Variants in RBFOX3 observed in about 807,000 individuals in gnomAD.
RBFOX3 encodes RNA binding fox-1 homolog 3.
Under a neutral mutation model 48.7 loss-of-function variants are expected in RBFOX3, and 17 were observed. The observed-to-expected ratio is 0.35, with a 90% CI of 0.24 to 0.52. The LOEUF (loss-of-function observed/expected upper bound fraction) is 0.52. Ranked by LOEUF, RBFOX3 falls within the 20% of genes least tolerant of loss-of-function variation. RBFOX3 has a pLI of 0.94. For missense variants in RBFOX3, 382 were observed against 497.5 expected (o/e 0.77, Z 2.21); for synonymous variants, 212 against 209.5 (o/e 1.01, Z -0.10).
Position 79,090,768 on chromosome 17 carries a change from G to GC in RBFOX3, c.*114_*115insG. ...TGGTTGGATGCCTCTTGGTTTGGTT[G>GC]GTTTTTTTTTTGTTGCTTGGATCTT... On this transcript the variant is annotated 3_prime_UTR_variant, in exon 15 of 15. Transcript: ENST00000693108. The GC allele has an allele frequency of 7.8e-7, 1 of 1,280,078 alleles. No individual in the cohort carries two copies. Among genetic ancestry groups the GC allele is most frequent in the African/African-American group, 1.6e-5 (1 of 61,040 alleles). 79.3% of individuals were successfully genotyped at this position (1,280,078 alleles called of 1,614,324 possible).
rs372313697 is a variant in RBFOX3 at position 79,319,980 on chromosome 17, T to A, written c.-174-12156A>T. Among the ~76,000 whole-genome samples the A allele has an allele frequency of 4.1e-5, 6 of 147,812 alleles. No individual in the cohort carries two copies. The East Asian group carries it at 9.9e-4, about 24-fold the overall frequency. On this transcript the variant is annotated intron_variant, in intron 2 of 14. Coordinates refer to ENST00000693108, the MANE Select transcript of RBFOX3 (RefSeq NM_001350451.2). Reference sequence around the variant, plus strand: ...GCTGGTCTTGTCCGGGCTGCTGGTCTTGCCTGGGCTGCTGGTCCTGTCTGG... The same window carrying A: ...GCTGGTCTTGTCCGGGCTGCTGGTCATGCCTGGGCTGCTGGTCCTGTCTGG...
chr17:79,216,844 G>C (rs1257027746), intron 4 of RBFOX3, among the ~76,000 whole-genome samples: 1 of 152,064 alleles, frequency 6.6e-6, no homozygotes, highest in African/African-American at 2.4e-5. Context: ...AAGTGGCAGA[G>C]CCAGATCCCA....
chr17:79,419,043 T>C (rs578214330), intron 2 of RBFOX3, among the ~76,000 whole-genome samples: 18 of 152,318 alleles, frequency 1.2e-4, no homozygotes, highest in Admixed American at 1.1e-3. Context: ...AAGCGTGGCA[T>C]CCTGAGTCCT....
intron 1 of RBFOX3, among the ~76,000 whole-genome samples, chr17:79,609,156 C>T (rs2093910609): frequency 2.6e-5 from 4 of 152,262 alleles, no homozygotes; most frequent in Non-Finnish European, 5.9e-5. Context: ...GCGATGCACA[C>T]TTAATGAGCA....
Position 79,111,902 on chromosome 17 carries a change from G to A in RBFOX3, c.222+3592C>T, listed in dbSNP as rs951819115. On this transcript the variant is annotated intron_variant, in intron 5 of 14. Coordinates refer to ENST00000693108, the MANE Select transcript of RBFOX3 (RefSeq NM_001350451.2). The surrounding 1 kb of genome is among the most constrained non-coding windows in gnomAD (Gnocchi z 4.2). ...TGAGATGGGGTCCCCCGGTCCTTCCGCAGCCCCTCATCGCACTCTGTACCC... is the reference window on the plus strand; with the variant it reads ...TGAGATGGGGTCCCCCGGTCCTTCCACAGCCCCTCATCGCACTCTGTACCC... Among the ~76,000 whole-genome samples the A allele has an allele frequency of 3.3e-5, 5 of 152,234 alleles. No individual in the cohort carries two copies. Among genetic ancestry groups the A allele is most frequent in the South Asian group, 2.1e-4 (1 of 4,834 alleles).
At chr17:79,189,367 G>T (rs1476415918) in intron 4 of RBFOX3, among the ~76,000 whole-genome samples, 4 of 152,184 alleles carry the variant, frequency 2.6e-5, no homozygotes, top group Admixed American at 2.0e-4. Context: ...ATTTATGGGA[G>T]CCCTTTTCTT....
chr17:79,630,015 T>C, the RBFOX3 span, among the ~76,000 whole-genome samples: 1 of 152,202 alleles, frequency 6.6e-6, no homozygotes, highest in Non-Finnish European at 1.5e-5. Flanking sequence ...ATTTTATGAT[T>C]ATATTCTAAA....
the RBFOX3 span, among the ~76,000 whole-genome samples, chr17:79,642,251 G>A: frequency 0.021 from 3,248 of 152,234 alleles, 97 homozygotes; most frequent in African/African-American, 0.062. Flanking sequence ...AGGACATAAA[G>A]GTCCGGTTAT....
intron 1 of RBFOX3, among the ~76,000 whole-genome samples, chr17:79,530,330 G>A (rs1487477498): frequency 6.6e-6 from 1 of 152,110 alleles, no homozygotes; most frequent in African/African-American, 2.4e-5. Context: ...GATCACCCTG[G>A]CCCTCGTCCC....
intron 2 of RBFOX3, among the ~76,000 whole-genome samples, chr17:79,405,861 C>T (rs2063475558): frequency 6.6e-6 from 1 of 152,244 alleles, no homozygotes; most frequent in Admixed American, 6.5e-5. Flanking sequence ...CCACCTCCAG[C>T]CCCCAGGGCA....
In RBFOX3 at chr17:79,608,637, G is replaced by A. The variant is rs915631461; in HGVS notation, c.-320+2189C>T. Among the ~76,000 whole-genome samples, 212 of 152,242 alleles carry A rather than the reference G, an allele frequency of 1.4e-3. 2 individuals carry two copies. Among genetic ancestry groups the A allele is most frequent in the East Asian group, 2.5e-3 (13 of 5,142 alleles). ...TCGGCTTGGGTGCGTCCCTTCAACC[G>A]TGCTTCTTGCTCCTTAACCCCTTCA... On this transcript the variant is annotated intron_variant, in intron 1 of 14. Coordinates refer to ENST00000693108, the MANE Select transcript of RBFOX3 (RefSeq NM_001350451.2).
chr17:79,415,026 G>T (rs929818443), intron 2 of RBFOX3, among the ~76,000 whole-genome samples: 1 of 152,130 alleles, frequency 6.6e-6, no homozygotes, highest in Non-Finnish European at 1.5e-5. Context: ...CCAGCTCATC[G>T]CCACGGTCCA....
At chr17:79,226,380 G>A (rs1464854096) in intron 4 of RBFOX3, among the ~76,000 whole-genome samples, 1 of 152,198 alleles carries the variant, frequency 6.6e-6, no homozygotes, top group Non-Finnish European at 1.5e-5. Context: ...AGTGGGCCAG[G>A]TGTCTAAAGA....
chr17:79,656,756 A>G, the RBFOX3 span, among the ~76,000 whole-genome samples: 404 of 24,266 alleles, frequency 0.017, 4 homozygotes, highest in African/African-American at 0.044. Flanking sequence ...GAAAGAAGGA[A>G]GGAAGGAAGG....
intron 4 of RBFOX3, among the ~76,000 whole-genome samples, chr17:79,219,019 C>G (rs904091371): frequency 6.6e-6 from 1 of 152,200 alleles, no homozygotes; most frequent in African/African-American, 2.4e-5. Flanking sequence ...GCTCTGCGGA[C>G]CCCCTGCTGG....
chr17:79,558,596 C>T (rs1233978560), intron 1 of RBFOX3, among the ~76,000 whole-genome samples: 1 of 152,148 alleles, frequency 6.6e-6, no homozygotes, highest in African/African-American at 2.4e-5. Flanking sequence ...ACTTCCCTCC[C>T]GGCCGGGCTC....
At chr17:79,397,923 C>T (rs564792790) in intron 2 of RBFOX3, among the ~76,000 whole-genome samples, 2 of 152,266 alleles carry the variant, frequency 1.3e-5, no homozygotes, top group South Asian at 2.1e-4. Flanking sequence ...CCTGGATCAC[C>T]GTGAGACGCC....
chr17:79,105,441 G>A (rs1483738842), intron 6 of RBFOX3, among the ~76,000 whole-genome samples: 1 of 152,206 alleles, frequency 6.6e-6, no homozygotes, highest in African/African-American at 2.4e-5. Flanking sequence ...AATGTCAGCT[G>A]CTATTAAGGG....
At chr17:79,269,124 GA>G (rs1567949853) in intron 3 of RBFOX3, among the ~76,000 whole-genome samples, 2 of 109,344 alleles carry the variant, frequency 1.8e-5, no homozygotes, top group East Asian at 6.0e-4. Flanking sequence ...ACAAAAGATA[GA>G]GACGTGCAGG....
Sources: allele counts gnomAD v4.1 joint callset (sites outside exome capture counted in the v4.1 genomes callset), GRCh38; gene constraint gnomAD v4.1.1; non-coding constraint Gnocchi (gnomAD v3.1); transcripts MANE v1.5; gene names NCBI Gene and HGNC (gene_info 2026-07-23, HGNC 2026-07-21).